The following ERC2 variants were observed in gnomAD, a reference collection of about 807,000 sequenced individuals.
ERC2 encodes ELKS/RAB6-interacting/CAST family member 2.
A neutral mutation model predicts 114.8 loss-of-function variants in ERC2; 42 were observed. That is an observed-to-expected ratio of 0.37 (90% CI 0.29 to 0.47). The LOEUF (loss-of-function observed/expected upper bound fraction) is 0.47. Ranked by LOEUF, ERC2 falls within the 20% of genes least tolerant of loss-of-function variation. The probability of loss-of-function intolerance (pLI) is 0.99; values close to 1 mark genes in which losing one functional copy is unlikely to be tolerated. For missense variants in ERC2, 939 were observed against 1,150.7 expected (o/e 0.82, Z 2.66); for synonymous variants, 454 against 425.5 (o/e 1.07, Z -0.82).
chr3:55,808,742 T>TATATATATAA (rs1455596885), intron 14 of ERC2, among the ~76,000 whole-genome samples: 78 of 100,356 alleles, frequency 7.8e-4, no homozygotes, highest in African/African-American at 2.6e-3. Context: ...TATATATATA[T>TATATATATAA]AACGTATAAC....
intron 3 of ERC2, among the ~76,000 whole-genome samples, chr3:56,248,114 G>T (rs1316596562): frequency 6.6e-6 from 1 of 152,084 alleles, no homozygotes; most frequent in Non-Finnish European, 1.5e-5. Flanking sequence ...TTTAGAGACA[G>T]AGTCTTGCTC....
At chr3:55,993,468 G>A (rs1318966272) in intron 10 of ERC2, among the ~76,000 whole-genome samples, 1 of 151,918 alleles carries the variant, frequency 6.6e-6, no homozygotes, top group Non-Finnish European at 1.5e-5. Context: ...TAATACTACG[G>A]TTAGAAGGTT....
intron 2 of ERC2, among the ~76,000 whole-genome samples, chr3:56,332,111 A>T (rs752424369): frequency 2.7e-5 from 4 of 149,642 alleles, no homozygotes; most frequent in Admixed American, 6.8e-5. Flanking sequence ...GCCTAATTCC[A>T]GGGGAAAGAC....
intron 13 of ERC2, among the ~76,000 whole-genome samples, chr3:55,921,489 T>C (rs1454895961): frequency 6.6e-6 from 1 of 152,112 alleles, no homozygotes; most frequent in Non-Finnish European, 1.5e-5. Context: ...CTGGGAATTC[T>C]CAATATGACA....
chr3:56,320,751 C>T (rs1158523010), intron 2 of ERC2, among the ~76,000 whole-genome samples: 3 of 152,224 alleles, frequency 2.0e-5, no homozygotes, highest in African/African-American at 7.2e-5. Flanking sequence ...TAAATAAGTA[C>T]TTATGCATAA....
intron 4 of ERC2, among the ~76,000 whole-genome samples, chr3:56,162,888 TA>T: frequency 6.6e-6 from 1 of 152,250 alleles, no homozygotes; most frequent in South Asian, 2.1e-4. Context: ...CTGTTTTTTT[TA>T]TTTCTTTTCT....
At chr3:55,699,279 C>A (rs1386152623) in intron 16 of ERC2, 99 bp downstream of exon 16, 1 of 1,447,072 alleles carries the variant, frequency 6.9e-7, no homozygotes, top group South Asian at 1.2e-5. Context: ...AAGAACGTAT[C>A]ACTTTATGAT....
intron 7 of ERC2, among the ~76,000 whole-genome samples, chr3:56,055,581 T>C (rs926729977): frequency 6.6e-6 from 1 of 152,200 alleles, no homozygotes; most frequent in East Asian, 1.9e-4. Context: ...AAGTCTGCCC[T>C]GAAGAGCTCA....
intron 8 of ERC2, among the ~76,000 whole-genome samples, chr3:56,012,218 G>T (rs2072998820): frequency 6.6e-6 from 1 of 152,060 alleles, no homozygotes; most frequent in African/African-American, 2.4e-5. Context: ...AGACCTTGCT[G>T]CCTTTTGCCC....
At chr3:56,101,984 T>C (rs560572747) in intron 6 of ERC2, among the ~76,000 whole-genome samples, 6 of 152,328 alleles carry the variant, frequency 3.9e-5, no homozygotes, top group Admixed American at 1.3e-4. Flanking sequence ...GGGCTACCTT[T>C]GAGAATTAGA....
chr3:55,720,347 G>A (rs527365895), intron 15 of ERC2, among the ~76,000 whole-genome samples: 6 of 131,160 alleles, frequency 4.6e-5, no homozygotes, highest in South Asian at 3.0e-4. Flanking sequence ...GTGCAGTGAC[G>A]CAACCATGGC....
intron 1 of ERC2, among the ~76,000 whole-genome samples, chr3:56,457,857 C>G (rs753078535): frequency 6.6e-6 from 1 of 152,152 alleles, no homozygotes; most frequent in Non-Finnish European, 1.5e-5. Flanking sequence ...TTAGGTGCTA[C>G]TTTCTTCAGG....
intron 15 of ERC2, among the ~76,000 whole-genome samples, chr3:55,731,707 T>G (rs1045339705): frequency 3.9e-5 from 6 of 152,214 alleles, no homozygotes; most frequent in Non-Finnish European, 8.8e-5. Context: ...TCTATGGGCC[T>G]CTGGCTTCTT....
intron 2 of ERC2, among the ~76,000 whole-genome samples, chr3:56,339,646 G>A (rs1314537002): frequency 6.6e-6 from 1 of 152,054 alleles, no homozygotes; most frequent in Non-Finnish European, 1.5e-5. Flanking sequence ...TCTGGCAACA[G>A]GAAGACATGT....
At chr3:56,343,186 T>TCACACACACACACA (rs1222760029) in intron 2 of ERC2, among the ~76,000 whole-genome samples, 3 of 15,010 alleles carry the variant, frequency 2.0e-4, no homozygotes, top group Non-Finnish European at 4.5e-4. Context: ...TCTCTCTCTC[T>TCACACACACACACA]CTCTCTCACA....
At chr3:56,041,240 T>C (rs2075174409) in intron 7 of ERC2, among the ~76,000 whole-genome samples, 1 of 152,152 alleles carries the variant, frequency 6.6e-6, no homozygotes, top group Non-Finnish European at 1.5e-5. Context: ...ATCTTTTACC[T>C]AATAGGAAGT....
chr3:56,319,828 C>A (rs751366112), intron 2 of ERC2, among the ~76,000 whole-genome samples: 4 of 151,974 alleles, frequency 2.6e-5, no homozygotes, highest in Non-Finnish European at 5.9e-5. Flanking sequence ...CCAACAACAG[C>A]AACAAAAATG....
intron 17 of ERC2, among the ~76,000 whole-genome samples, chr3:55,676,450 A>ATTATTATTT (rs1301601935): frequency 6.7e-6 from 1 of 148,178 alleles, no homozygotes; most frequent in African/African-American, 2.5e-5. Flanking sequence ...GCTTATTATT[A>ATTATTATTT]TTATTATTAT....
intron 17 of ERC2, among the ~76,000 whole-genome samples, chr3:55,553,978 A>G (rs1369964103): frequency 2.0e-5 from 3 of 152,238 alleles, no homozygotes; most frequent in Non-Finnish European, 4.4e-5. Context: ...CAAATTTTCC[A>G]TAGTGAATTA....
Sources: allele counts gnomAD v4.1 joint callset (sites outside exome capture counted in the v4.1 genomes callset), GRCh38; gene constraint gnomAD v4.1.1; transcripts MANE v1.5; gene names NCBI Gene and HGNC (gene_info 2026-07-23, HGNC 2026-07-21).